ZBTB7C: variants seen among roughly 807,000 people sequenced by gnomAD.
ZBTB7C encodes zinc finger and BTB domain-containing protein 7C.
Under a neutral mutation model 25.7 loss-of-function variants are expected in ZBTB7C, and 8 were observed. The observed-to-expected ratio is 0.31, with a 90% CI of 0.18 to 0.56. The LOEUF is 0.56. ZBTB7C is among the 20% of genes least tolerant of loss of function. The pLI is 0.91. For synonymous variants in ZBTB7C, 394 were observed against 369.0 expected (o/e 1.07, Z -0.78); for missense variants, 824 against 855.2 (o/e 0.96, Z 0.46).
chr18:48,104,719 C>G (rs80217302), intron 3 of ZBTB7C, among the ~76,000 whole-genome samples: 3,396 of 152,236 alleles, frequency 0.022, 118 homozygotes, highest in African/African-American at 0.077. Context: ...ACAGGGAGAC[C>G]GAAATGCCCT....
intron 3 of ZBTB7C, among the ~76,000 whole-genome samples, chr18:48,049,068 C>T (rs2036584530): frequency 6.6e-6 from 1 of 152,122 alleles, no homozygotes; most frequent in Admixed American, 6.5e-5. Flanking sequence ...TATTTATAGC[C>T]TACTGCTCAA....
chr18:48,249,825 C>G (rs1219718444), intron 2 of ZBTB7C, among the ~76,000 whole-genome samples: 1 of 151,366 alleles, frequency 6.6e-6, no homozygotes, highest in African/African-American at 2.4e-5. Flanking sequence ...TTTAACACTC[C>G]CTCTGCTGTG....
At chr18:48,198,127 C>T (rs1016789132) in intron 2 of ZBTB7C, among the ~76,000 whole-genome samples, 26 of 152,312 alleles carry the variant, frequency 1.7e-4, no homozygotes, top group African/African-American at 5.5e-4. Context: ...GCTTTATATG[C>T]ACTTAACTCT....
At chr18:48,101,617 C>T (rs902773778) in intron 3 of ZBTB7C, among the ~76,000 whole-genome samples, 2 of 152,182 alleles carry the variant, frequency 1.3e-5, no homozygotes, top group South Asian at 4.1e-4. Flanking sequence ...TTTAGACATA[C>T]TTTTCATTTA....
chr18:48,395,715 G>A (rs144840891), intron 1 of ZBTB7C, among the ~76,000 whole-genome samples: 2 of 152,250 alleles, frequency 1.3e-5, no homozygotes, highest in African/African-American at 4.8e-5. Flanking sequence ...TCCTTTTGTG[G>A]TGAAACTACT....
intron 2 of ZBTB7C, among the ~76,000 whole-genome samples, chr18:48,226,847 C>T (rs578106379): frequency 3.3e-5 from 5 of 151,928 alleles, no homozygotes; most frequent in East Asian, 1.9e-4. Flanking sequence ...GGTGAAACCC[C>T]GTCTCTACTA....
chr18:48,082,700 G>C (rs187723990), intron 3 of ZBTB7C, among the ~76,000 whole-genome samples: 1 of 140,592 alleles, frequency 7.1e-6, no homozygotes, highest in Non-Finnish European at 1.5e-5. Context: ...CTGGGCATGA[G>C]TTTTATGTAA....
At chr18:48,078,864 A>G (rs1429679612) in intron 3 of ZBTB7C, among the ~76,000 whole-genome samples, 2 of 152,228 alleles carry the variant, frequency 1.3e-5, no homozygotes, top group African/African-American at 4.8e-5. Context: ...TCCATGTTGT[A>G]GCATGTATTA....
chr18:48,303,959 G>A (rs1380975114), intron 2 of ZBTB7C, among the ~76,000 whole-genome samples: 4 of 152,186 alleles, frequency 2.6e-5, no homozygotes, highest in East Asian at 1.9e-4. Context: ...CTTAACAAGC[G>A]CTAACTCATG....
chr18:48,311,425 G>C (rs2045816482), intron 2 of ZBTB7C, among the ~76,000 whole-genome samples: 1 of 152,182 alleles, frequency 6.6e-6, no homozygotes, highest in Admixed American at 6.5e-5. Flanking sequence ...TCTCAATTAT[G>C]GGCAATTTGC....
rs903333452 is a variant in ZBTB7C at position 48,335,719 on chromosome 18, C to T, written c.-79+2455G>A. Among the ~76,000 whole-genome samples the T allele has an allele frequency of 4.6e-5, 7 of 152,140 alleles. No individual in the cohort carries two copies. The East Asian group carries it at 5.8e-4, about 13-fold the overall frequency. ...GAAATGTGGTTGGTCCAAACTGAGA[C>T]GGTGCTACAAGTACAGAATACACTG... On this transcript the variant is annotated intron_variant, in intron 2 of 4. Transcript: ENST00000590800.
chr18:48,324,357 T>C (rs1014567921), intron 2 of ZBTB7C, among the ~76,000 whole-genome samples: 2 of 152,024 alleles, frequency 1.3e-5, no homozygotes, highest in African/African-American at 2.4e-5. Context: ...AAGAGTACTA[T>C]GAGCTGAGCC....
chr18:48,110,944 T>A (rs2039217209), intron 3 of ZBTB7C, among the ~76,000 whole-genome samples: 1 of 152,136 alleles, frequency 6.6e-6, no homozygotes, highest in African/African-American at 2.4e-5. Context: ...TGGACAGAGT[T>A]ACAATCAATG....
rs955369449 is a variant in ZBTB7C, at chr18:48,120,608, T to TA, written c.-17+65325dup. The stretch of plus-strand genomic sequence containing the variant: ...CTGGTGACAGAGTGAGACTCCGTCT[T>TA]AAAAAAAAATAAAAATAAAAAAGAA... On this transcript the variant is annotated intron_variant, in intron 3 of 4. Coordinates refer to ENST00000590800, the MANE Select transcript of ZBTB7C (RefSeq NM_001318841.2). Among the ~76,000 whole-genome samples the TA allele has an allele frequency of 2.8e-4, 43 of 150,926 alleles. 1 individual carries two copies. Among genetic ancestry groups the TA allele is most frequent in the Non-Finnish European group, 1.3e-4 (9 of 67,684 alleles).
intron 4 of ZBTB7C, among the ~76,000 whole-genome samples, chr18:48,036,812 G>T (rs1392302963): frequency 6.6e-6 from 1 of 152,104 alleles, no homozygotes; most frequent in Non-Finnish European, 1.5e-5. Context: ...TCGCGTTGGG[G>T]AATTCAGCCA....
chr18:48,337,322 G>A (rs183735776), intron 2 of ZBTB7C, among the ~76,000 whole-genome samples: 5 of 152,254 alleles, frequency 3.3e-5, no homozygotes, highest in South Asian at 2.1e-4. Context: ...TTTTCCCCAC[G>A]GTGGAAGTTG....
chr18:48,350,795 A>C (rs1034812865), intron 1 of ZBTB7C, among the ~76,000 whole-genome samples: 1 of 152,202 alleles, frequency 6.6e-6, no homozygotes, highest in African/African-American at 2.4e-5. Context: ...GTACAGTACC[A>C]TAATACTGTT....
At chr18:48,298,924 G>A (rs2045470551) in intron 2 of ZBTB7C, among the ~76,000 whole-genome samples, 1 of 152,216 alleles carries the variant, frequency 6.6e-6, no homozygotes, top group Non-Finnish European at 1.5e-5. Context: ...TTTGTCACCT[G>A]TCCAGGGAGT....
intron 1 of ZBTB7C, among the ~76,000 whole-genome samples, chr18:48,338,615 G>A (rs554927618): frequency 3.6e-4 from 55 of 151,560 alleles, no homozygotes; most frequent in Admixed American, 2.3e-3. Context: ...CACACACACC[G>A]CACACACATG....
Sources: gnomAD v4.1 joint callset for allele counts (sites outside exome capture counted in the v4.1 genomes callset) on GRCh38, gnomAD v4.1.1 for gene constraint, MANE v1.5 for transcripts, NCBI Gene and HGNC (gene_info 2026-07-23, HGNC 2026-07-21) for gene names.